The following LRRC37A2 variants were observed in gnomAD, a reference collection of about 807,000 sequenced individuals.
LRRC37A2 encodes leucine rich repeat containing 37 member A2, also known as leucine-rich repeat-containing protein 37A2.
LRRC37A2 carries 9 observed loss-of-function variants against 68.8 expected under a neutral mutation model. The ratio of observed to expected loss-of-function variants is 0.13; its 90% CI spans 0.08 to 0.23. The LOEUF (loss-of-function observed/expected upper bound fraction) is 0.23. Among genes scored for constraint, LRRC37A2 ranks in the 10% least tolerant of loss-of-function variants. LRRC37A2 has a pLI of 1.00. For synonymous variants in LRRC37A2, 63 were observed against 367.6 expected (o/e 0.17, Z 9.48); for missense variants, 168 against 950.4 (o/e 0.18, Z 10.82).
chr17:46,876,988 A>T, the LRRC37A2 span: 3 of 1,274,048 alleles, frequency 2.4e-6, no homozygotes, highest in Non-Finnish European at 3.0e-6. Context: ...TGAGAAAGAC[A>T]TGGAGGGAAA....
At chr17:46,733,371 A>T in the LRRC37A2 span, among the ~76,000 whole-genome samples, 1 of 150,966 alleles carries the variant, frequency 6.6e-6, no homozygotes, top group Non-Finnish European at 1.5e-5. Context: ...TTTTTGGGAG[A>T]CAGAGTGTCT....
chr17:46,864,138 C>T, the LRRC37A2 span, among the ~76,000 whole-genome samples: 4 of 152,186 alleles, frequency 2.6e-5, no homozygotes, highest in African/African-American at 7.2e-5. Flanking sequence ...AGAGGGTGAT[C>T]GGAGCCCAGG....
At chr17:47,018,969 C>T in the LRRC37A2 span, 2 of 1,519,350 alleles carry the variant, frequency 1.3e-6, no homozygotes, top group Non-Finnish European at 1.8e-6. Context: ...AAATCCAACA[C>T]CAGGTCAGGA....
At chr17:46,779,240 C>T in the LRRC37A2 span, among the ~76,000 whole-genome samples, 35 of 152,174 alleles carry the variant, frequency 2.3e-4, no homozygotes, top group Admixed American at 9.2e-4. Flanking sequence ...CCGGAGCTTC[C>T]GCCTACACAC....
chr17:46,978,720 C>G, the LRRC37A2 span: 1 of 1,612,404 alleles, frequency 6.2e-7, no homozygotes, highest in Non-Finnish European at 8.5e-7. Context: ...TGATCATGCT[C>G]TCGGACTTGA....
the LRRC37A2 span, among the ~76,000 whole-genome samples, chr17:46,853,684 G>A: frequency 6.6e-6 from 1 of 152,022 alleles, no homozygotes; most frequent in Non-Finnish European, 1.5e-5. Flanking sequence ...TTTCATTAAG[G>A]AAACCAGTTA....
the LRRC37A2 span, among the ~76,000 whole-genome samples, chr17:46,945,041 G>C: frequency 1.4e-3 from 218 of 152,314 alleles, 1 homozygote; most frequent in Middle Eastern, 6.8e-3. Context: ...AGGTTGAGAG[G>C]TGATAGTTTA....
At chr17:46,997,333 T>A in the LRRC37A2 span, among the ~76,000 whole-genome samples, 25 of 152,084 alleles carry the variant, frequency 1.6e-4, no homozygotes, top group Non-Finnish European at 2.1e-4. Flanking sequence ...GCCTAAGTGA[T>A]AGAGTGAGAC....
the LRRC37A2 span, among the ~76,000 whole-genome samples, chr17:46,834,921 A>G: frequency 1.3e-5 from 2 of 152,114 alleles, no homozygotes; most frequent in African/African-American, 4.8e-5. Flanking sequence ...CTCACCTGTC[A>G]GTGTTCCTCC....
the LRRC37A2 span, among the ~76,000 whole-genome samples, chr17:46,872,940 G>A: frequency 1.3e-5 from 2 of 152,114 alleles, no homozygotes; most frequent in African/African-American, 2.4e-5. Flanking sequence ...GAGTTAATGA[G>A]GGGCAGTTGA....
chr17:47,001,084 C>T, the LRRC37A2 span, among the ~76,000 whole-genome samples: 5 of 152,070 alleles, frequency 3.3e-5, no homozygotes, highest in Non-Finnish European at 5.9e-5. Context: ...TGCAGTGAGC[C>T]GAGATGGTGC....
the LRRC37A2 span, among the ~76,000 whole-genome samples, chr17:47,000,701 T>C: frequency 6.6e-6 from 1 of 152,096 alleles, no homozygotes; most frequent in Non-Finnish European, 1.5e-5. Flanking sequence ...ACTTGCAGCA[T>C]CTGATGATAC....
the LRRC37A2 span, among the ~76,000 whole-genome samples, chr17:46,580,378 C>T: frequency 0.11 from 16,141 of 147,582 alleles, 6 homozygotes; most frequent in Non-Finnish European, 0.17. Flanking sequence ...TAACTGAAAT[C>T]ATCAGAACAA....
At chr17:46,896,870 G>C in the LRRC37A2 span, among the ~76,000 whole-genome samples, 2 of 152,134 alleles carry the variant, frequency 1.3e-5, no homozygotes, top group Non-Finnish European at 2.9e-5. Flanking sequence ...GGGACCCTGA[G>C]GGCATCTAGG....
the LRRC37A2 span, among the ~76,000 whole-genome samples, chr17:46,816,860 G>A: frequency 5.3e-5 from 8 of 152,204 alleles, no homozygotes; most frequent in Admixed American, 6.5e-5. Context: ...GCCTTGGCCC[G>A]GGAATGGGAA....
chr17:46,965,231 C>T, the LRRC37A2 span, among the ~76,000 whole-genome samples: 1 of 152,226 alleles, frequency 6.6e-6, no homozygotes, highest in Non-Finnish European at 1.5e-5. Flanking sequence ...ACTGCAATTG[C>T]AAACCTGTCC....
the LRRC37A2 span, among the ~76,000 whole-genome samples, chr17:47,048,467 C>T: frequency 1.9e-5 from 2 of 104,580 alleles, no homozygotes; most frequent in African/African-American, 6.5e-5. Flanking sequence ...AAACTGTTAT[C>T]ATACCAGAGA....
chr17:46,785,120 C>T, the LRRC37A2 span, among the ~76,000 whole-genome samples: 5 of 152,300 alleles, frequency 3.3e-5, no homozygotes, highest in South Asian at 8.3e-4. Context: ...GCCTTCAGTG[C>T]ACAGCTGCCT....
At chr17:46,870,455 GC>G in the LRRC37A2 span, among the ~76,000 whole-genome samples, 1 of 151,900 alleles carries the variant, frequency 6.6e-6, no homozygotes, top group Non-Finnish European at 1.5e-5. Flanking sequence ...TTACCCATTT[GC>G]CCCCAGATTA....
Sources: allele counts gnomAD v4.1 joint callset (sites outside exome capture counted in the v4.1 genomes callset), GRCh38; gene constraint gnomAD v4.1.1; transcripts MANE v1.5; gene names NCBI Gene and HGNC (gene_info 2026-07-23, HGNC 2026-07-21).